The following STYX variants were observed in gnomAD, a reference collection of about 807,000 sequenced individuals.
STYX encodes the protein serine/threonine/tyrosine-interacting protein.
A neutral mutation model predicts 42.7 loss-of-function variants in STYX; 20 were observed. That is an observed-to-expected ratio of 0.47 (90% CI 0.33 to 0.68). The LOEUF is 0.68. Among genes scored for constraint, STYX ranks in the 30% least tolerant of loss-of-function variants. The pLI, the probability that STYX is intolerant of heterozygous loss-of-function variation, is 0.02. For synonymous variants in STYX, 78 were observed against 81.9 expected (o/e 0.95, Z 0.26); for missense variants, 226 against 268.5 (o/e 0.84, Z 1.11).
chr14:52,737,444 G>C (rs557003641), intron 1 of STYX, among the ~76,000 whole-genome samples: 14 of 152,318 alleles, frequency 9.2e-5, no homozygotes, highest in African/African-American at 3.4e-4. Context: ...CAGAATCATG[G>C]TGTTTCACAA....
intron 9 of STYX, among the ~76,000 whole-genome samples, chr14:52,763,239 A>G (rs1882170255): frequency 6.6e-6 from 1 of 152,048 alleles, no homozygotes; most frequent in South Asian, 2.1e-4. Flanking sequence ...TGTATTTATG[A>G]TCTTCTGTGT....
intron 6 of STYX, 41 bp from the exon 7 acceptor site, chr14:52,757,702 C>T (rs1177554001): frequency 6.3e-7 from 1 of 1,594,948 alleles, no homozygotes; most frequent in South Asian, 1.1e-5. Context: ...GCTACTGACT[C>T]AGGTGTTTTT....
chr14:52,774,065 A>T lies in STYX; in HGVS notation c.*2959A>T, dbSNP rs1882623121. ...GTTAGTTGGTTCATGTTAATTTCTTACCTGTTAGATGTTTAAACTGCAGTG... is the reference window on the plus strand; with the variant it reads ...GTTAGTTGGTTCATGTTAATTTCTTTCCTGTTAGATGTTTAAACTGCAGTG... On this transcript the variant is annotated 3_prime_UTR_variant, in exon 11 of 11. Transcript: ENST00000354586. 6.6e-6 allele frequency: 1 copy of T among 152,106 alleles called. No individual in the cohort carries two copies. Among genetic ancestry groups the T allele is most frequent in the South Asian group, 2.1e-4 (1 of 4,832 alleles). The allele number at this position is 152,106 out of a possible 1,614,324, so 9.4% of individuals were successfully genotyped here.
chr14:52,734,484 C>A (rs946941722), intron 1 of STYX, among the ~76,000 whole-genome samples: 2 of 152,166 alleles, frequency 1.3e-5, no homozygotes, highest in African/African-American at 4.8e-5. Flanking sequence ...CACCCTAAAT[C>A]ACTTCATTAG....
At chr14:52,740,974 C>A (rs935000628) in intron 1 of STYX, among the ~76,000 whole-genome samples, 6 of 152,104 alleles carry the variant, frequency 3.9e-5, no homozygotes, top group African/African-American at 1.4e-4. Context: ...TGCTCTTGAA[C>A]TTGATACAAA....
At chr14:52,741,309 C>T (rs987793422) in intron 1 of STYX, among the ~76,000 whole-genome samples, 1 of 150,922 alleles carries the variant, frequency 6.6e-6, no homozygotes, top group African/African-American at 2.4e-5. Context: ...TTTCATTTTA[C>T]ATTCCCACCA....
chr14:52,753,967 G>A (rs1881743076), intron 4 of STYX, among the ~76,000 whole-genome samples: 1 of 124,984 alleles, frequency 8.0e-6, no homozygotes, highest in African/African-American at 3.1e-5. Flanking sequence ...AGGGCTCACT[G>A]CAACCTCTGC....
At chr14:52,737,232 A>G (rs761044783) in intron 1 of STYX, among the ~76,000 whole-genome samples, 11 of 152,240 alleles carry the variant, frequency 7.2e-5, no homozygotes, top group Non-Finnish European at 1.2e-4. Flanking sequence ...GAATTATTTT[A>G]TCTAATGGTT....
chr14:52,770,976 A>C, intron 10 of STYX, 57 bp from the exon 11 acceptor site: 2 of 1,552,292 alleles, frequency 1.3e-6, no homozygotes, highest in Non-Finnish European at 8.9e-7. Context: ...ACTTGCTGTA[A>C]CCTTTTAACA....
chr14:52,757,382 A>G (rs769982710), intron 6 of STYX, 27 bp downstream of exon 6: 3 of 1,566,678 alleles, frequency 1.9e-6, no homozygotes, highest in Non-Finnish European at 2.6e-6. Context: ...TTCCTTAACT[A>G]ATGTTTATAT....
chr14:52,739,727 G>A (rs923917434), intron 1 of STYX, among the ~76,000 whole-genome samples: 4 of 133,472 alleles, frequency 3.0e-5, no homozygotes, highest in Admixed American at 8.8e-5. Context: ...CTGCAGCCTC[G>A]ACCTCCCAAG....
Position 52,773,863 on chromosome 14 carries a change from G to A in STYX, c.*2757G>A, listed in dbSNP as rs1384945305. On this transcript the variant is annotated 3_prime_UTR_variant, in exon 11 of 11. Coordinates refer to ENST00000354586, the MANE Select transcript of STYX (RefSeq NM_145251.4). ...AACTGATCATGATTTATCTTCTAGA[G>A]TATTTAAATAATGTATGAGTGACCA... 1.3e-5 allele frequency: 2 copies of A among 152,076 alleles called. No homozygotes were observed. Among genetic ancestry groups the A allele is most frequent in the Non-Finnish European group, 2.9e-5 (2 of 67,998 alleles). 9.4% of individuals were successfully genotyped at this position (152,076 alleles called of 1,614,324 possible).
chr14:52,737,426 A>G (rs1036275317), intron 1 of STYX, among the ~76,000 whole-genome samples: 16 of 152,172 alleles, frequency 1.1e-4, no homozygotes, highest in Non-Finnish European at 7.3e-5. Flanking sequence ...TTGTGAATTA[A>G]TTTGTCTCAG....
In STYX at chr14:52,755,121, G is replaced by GTTT. The variant is rs537098365; in HGVS notation, c.243-1419_243-1417dup. Among the ~76,000 whole-genome samples, 43 of 139,288 alleles carry GTTT rather than the reference G, an allele frequency of 3.1e-4. 1 individual carries two copies. The highest frequency in any genetic ancestry group is 7.9e-4 in the African/African-American group (30 of 37,780). 91.4% of individuals were successfully genotyped at this position (139,288 alleles called of 152,430 possible). A position where few individuals can be genotyped will look rare whatever the true frequency, so the allele number is the denominator to read the frequency against. On this transcript the variant is annotated intron_variant, in intron 4 of 10. Transcript: ENST00000354586. ...TGTGTTTTTTTTTGTTTGTTTTTTT[G>GTTT]TTTTTTTTTTTTTGTTTTTGAAACA...
At chr14:52,748,246 G>T (rs1881469817) in intron 3 of STYX, among the ~76,000 whole-genome samples, 1 of 152,012 alleles carries the variant, frequency 6.6e-6, no homozygotes, top group Non-Finnish European at 1.5e-5. Flanking sequence ...TGTGGGAGAG[G>T]AGTGGGGTCT....
At chr14:52,759,425 A>C (rs543815641) in intron 8 of STYX, among the ~76,000 whole-genome samples, 1 of 152,306 alleles carries the variant, frequency 6.6e-6, no homozygotes, top group South Asian at 2.1e-4. Context: ...TGGCCACTTT[A>C]CACTTACCTC....
At chr14:52,753,111 C>T (rs1261642994) in intron 4 of STYX, among the ~76,000 whole-genome samples, 5 of 142,856 alleles carry the variant, frequency 3.5e-5, no homozygotes, top group Non-Finnish European at 7.5e-5. Context: ...AGTGCAGTGG[C>T]ATGATCTCGG....
intron 4 of STYX, among the ~76,000 whole-genome samples, chr14:52,753,788 T>C (rs2139910843): frequency 6.6e-6 from 1 of 152,094 alleles, no homozygotes; most frequent in Admixed American, 6.6e-5. Flanking sequence ...GGTATGAAAT[T>C]CTTGGATATG....
chr14:52,733,108 A>G (rs562168264), intron 1 of STYX, among the ~76,000 whole-genome samples: 9 of 152,322 alleles, frequency 5.9e-5, no homozygotes, highest in Non-Finnish European at 8.8e-5. Flanking sequence ...CAAATTAACA[A>G]CACAGTAGCA....
Sources: allele counts gnomAD v4.1 joint callset (sites outside exome capture counted in the v4.1 genomes callset), GRCh38; gene constraint gnomAD v4.1.1; transcripts MANE v1.5; gene names NCBI Gene and HGNC (gene_info 2026-07-23, HGNC 2026-07-21).